WDR20: variants seen among roughly 807,000 people sequenced by gnomAD.
WDR20 encodes WD repeat-containing protein 20.
In WDR20, 3 loss-of-function variants were observed where a neutral mutation model predicts 38.7. The ratio of observed to expected loss-of-function variants is 0.08; its 90% confidence interval spans 0.04 to 0.20. The LOEUF (loss-of-function observed/expected upper bound fraction) is 0.20, where lower values mean the gene tolerates loss of function less well. WDR20 is among the 10% of genes least tolerant of loss of function. The pLI is 1.00. For synonymous variants in WDR20, 298 were observed against 285.6 expected (o/e 1.04, Z -0.44); for missense variants, 559 against 727.7 (o/e 0.77, Z 2.67).
chr14:102,187,373 T>G (rs2065085720), intron 1 of WDR20, among the ~76,000 whole-genome samples: 1 of 151,542 alleles, frequency 6.6e-6, no homozygotes, highest in East Asian at 1.9e-4. Context: ...ATGATAGGCA[T>G]CGGTGAAGGG....
intron 2 of WDR20, among the ~76,000 whole-genome samples, chr14:102,201,848 G>A (rs1277896198): frequency 2.6e-5 from 4 of 152,174 alleles, no homozygotes; most frequent in African/African-American, 9.7e-5. Flanking sequence ...CAGCTGCTCT[G>A]CCAGCACCTC....
In WDR20 at chr14:102,208,756, G is replaced by A; in HGVS notation, c.586G>A (p.Gly196Arg). 1 of 1,614,218 alleles carries A rather than the reference G, an allele frequency of 6.2e-7. No homozygotes were observed. Among genetic ancestry groups the A allele is most frequent in the South Asian group, 1.1e-5 (1 of 91,086 alleles). Residue 196 changes from glycine to arginine, a missense_variant, in exon 3 of 3, where the codon GGA (glycine) becomes AGA (arginine). Physicochemically the swap from Gly to Arg is moderately radical, Grantham distance 125 (BLOSUM62 -2). Transcript: ENST00000342702. This position sits in a 1 kb window ranked among gnomAD's most constrained non-coding sequence, Gnocchi z 5.6. ...CCCCCACTACCAGCTTCTGAAGCAG[G>A]GAGAGAGCTTTGCCGTGCACACTTG... Reference protein sequence around the residue: ...TAPHYQLLKQGESFAVHTCKS... With the variant: ...TAPHYQLLKQRESFAVHTCKS...
chr14:102,212,453 G>A (rs1275947376), downstream of WDR20: 7 of 1,518,264 alleles, frequency 4.6e-6, no homozygotes, highest in Admixed American at 1.4e-4. Flanking sequence ...GGCTGGCCCA[G>A]GCCCTGCAGG....
chr14:102,148,924 G>T (rs559631818), intron 1 of WDR20, among the ~76,000 whole-genome samples: 1 of 152,250 alleles, frequency 6.6e-6, no homozygotes, highest in South Asian at 2.1e-4. Flanking sequence ...CACTTTGGGA[G>T]GCCGAGGCGG....
At position 102,210,245 on chromosome 14, in the gene WDR20, T is replaced by G; in HGVS notation, c.*365T>G. On this transcript the variant is annotated 3_prime_UTR_variant, in exon 3 of 3. Coordinates refer to ENST00000342702, the MANE Select transcript of WDR20 (RefSeq NM_144574.4). ...AAATTTATGCTTTAACTGGAATATTTTTTGCTTAACTACTCAATTAGAATA... is the reference window on the plus strand; with the variant it reads ...AAATTTATGCTTTAACTGGAATATTGTTTGCTTAACTACTCAATTAGAATA... The G allele has an allele frequency of 9.9e-7, 1 of 1,014,904 alleles. No individual in the cohort carries two copies. Among genetic ancestry groups the G allele is most frequent in the Non-Finnish European group, 1.2e-6 (1 of 848,066 alleles). The allele number at this position is 1,014,904 out of a possible 1,614,324, so 62.9% of individuals were successfully genotyped here.
intron 1 of WDR20, chr14:102,193,339 C>G (rs974370085): frequency 1.9e-4 from 181 of 946,950 alleles, no homozygotes; most frequent in Non-Finnish European, 2.7e-4. Flanking sequence ...GTACAGCGGC[C>G]GCTCCCCTCC....
At chr14:102,191,000 C>CAA (rs552354837) in intron 1 of WDR20, among the ~76,000 whole-genome samples, 32 of 91,408 alleles carry the variant, frequency 3.5e-4, no homozygotes, top group African/African-American at 1.1e-3. Context: ...GACTCTATCT[C>CAA]AAAAAAAAAA....
In WDR20 at chr14:102,209,274, G is replaced by A; in HGVS notation, c.1104G>A (p.Arg368=). 1.2e-6 allele frequency: 2 copies of A among 1,614,198 alleles called. No homozygotes were observed. Among genetic ancestry groups the A allele is most frequent in the Non-Finnish European group, 1.7e-6 (2 of 1,180,050 alleles). ...GCCGCCCCGTAAGTGTCACGTATCG[G>A]TTTGGTTCCGTGGGCCAGGACACAC... The part of the protein sequence containing the change: ...TDSRPVSVTY[R]FGSVGQDTQL... The change falls in exon 3 of 3, where the codon CGG becomes CGA. Residue 368 remains arginine (R), a synonymous_variant. Transcript: ENST00000342702. The surrounding 1 kb of genome is among the most constrained non-coding windows in gnomAD (Gnocchi z 6.0).
intron 1 of WDR20, among the ~76,000 whole-genome samples, chr14:102,161,144 T>TATATATATATATATATA (rs1374208711): frequency 1.9e-3 from 14 of 7,284 alleles, no homozygotes; most frequent in Non-Finnish European, 2.9e-3. Context: ...ATATATATAT[T>TATATATATATATATATA]TTTTTTTTTT....
At chr14:102,217,836 T>C (rs2063404629), downstream of WDR20, among the ~76,000 whole-genome samples, 1 of 152,264 alleles carries the variant, frequency 6.6e-6, no homozygotes, top group Non-Finnish European at 1.5e-5. Context: ...GTCATAGTTC[T>C]CATCGTTTCC....
intron 1 of WDR20, among the ~76,000 whole-genome samples, chr14:102,150,768 A>T (rs1484213386): frequency 6.6e-6 from 1 of 152,176 alleles, no homozygotes; most frequent in Non-Finnish European, 1.5e-5. Flanking sequence ...AAGAAGTATG[A>T]GGTATGGGCC....
At position 102,209,980 on chromosome 14, in the gene WDR20, A is replaced by C. The variant is rs1489748531; in HGVS notation, c.*100A>C. On this transcript the variant is annotated 3_prime_UTR_variant, in exon 3 of 3. Coordinates refer to ENST00000342702, the MANE Select transcript of WDR20 (RefSeq NM_144574.4). The surrounding 1 kb of genome is among the most constrained non-coding windows in gnomAD (Gnocchi z 6.0). ...ATGTGAATGACACTTCTTATTCTTAATGTAAATCTCAATGCATCAGAGCCA... is the reference window on the plus strand; with the variant it reads ...ATGTGAATGACACTTCTTATTCTTACTGTAAATCTCAATGCATCAGAGCCA... 1 of 1,485,300 alleles carries C rather than the reference A, an allele frequency of 6.7e-7. No individual in the cohort carries two copies. Among genetic ancestry groups the C allele is most frequent in the Admixed American group, 2.4e-5 (1 of 41,586 alleles). The allele number at this position is 1,485,300 out of a possible 1,614,324, so 92.0% of individuals were successfully genotyped here.
At chr14:102,201,846 C>CT (rs940637779) in intron 2 of WDR20, among the ~76,000 whole-genome samples, 2 of 152,224 alleles carry the variant, frequency 1.3e-5, no homozygotes, top group African/African-American at 4.8e-5. Context: ...GCCAGCTGCT[C>CT]TGCCAGCACC....
chr14:102,161,331 T>A (rs1421647998), intron 1 of WDR20, among the ~76,000 whole-genome samples: 14 of 147,376 alleles, frequency 9.5e-5, no homozygotes, highest in Admixed American at 5.5e-4. Context: ...TTTTTTTTTT[T>A]AAGACAGGAT....
chr14:102,173,237 C>T (rs879330413), intron 1 of WDR20, among the ~76,000 whole-genome samples: 11 of 151,338 alleles, frequency 7.3e-5, no homozygotes, highest in African/African-American at 9.7e-5. Context: ...CTCAGCCTCA[C>T]GAGCAGTTGG....
At chr14:102,197,291 G>T (rs557733264) in intron 2 of WDR20, among the ~76,000 whole-genome samples, 1 of 152,182 alleles carries the variant, frequency 6.6e-6, no homozygotes, top group Non-Finnish European at 1.5e-5. Context: ...TTGCCCTTCC[G>T]GGAGCTCACA....
chr14:102,223,036 G>C (rs1473488783), exon 4 of WDR20: 1 of 803,756 alleles, frequency 1.2e-6, no homozygotes, highest in African/African-American at 1.7e-5. Context: ...CTCACTCTGC[G>C]GCGCCGTGCT....
At chr14:102,193,538 TG>T in intron 1 of WDR20, 1 of 1,610,498 alleles carries the variant, frequency 6.2e-7, no homozygotes, top group Non-Finnish European at 8.5e-7. Context: ...AGTGTCCGCA[TG>T]GCATGCACCC....
intron 1 of WDR20, among the ~76,000 whole-genome samples, chr14:102,148,198 A>G (rs2054361529): frequency 6.6e-6 from 1 of 152,246 alleles, no homozygotes; most frequent in Non-Finnish European, 1.5e-5. Context: ...CTTAATTGGT[A>G]GACATTTCTA....
Sources: gnomAD v4.1 joint callset for allele counts (sites outside exome capture counted in the v4.1 genomes callset) on GRCh38, gnomAD v4.1.1 for gene constraint, Gnocchi (gnomAD v3.1) non-coding constraint, MANE v1.5 for transcripts, NCBI Gene and HGNC (gene_info 2026-07-23, HGNC 2026-07-21) for gene names.